Variants in FOXP1 observed in about 807,000 individuals in gnomAD.
The protein encoded by FOXP1 is forkhead box P1.
In FOXP1, 15 loss-of-function variants were observed where a neutral mutation model predicts 98.2. The observed-to-expected ratio is 0.15, with a 90% CI of 0.10 to 0.24. The LOEUF is 0.24. Ranked by LOEUF, FOXP1 falls within the 10% of genes least tolerant of loss-of-function variation. The probability of loss-of-function intolerance (pLI) is 1.00; values close to 1 mark genes in which losing one functional copy is unlikely to be tolerated. For missense variants in FOXP1, 633 were observed against 848.5 expected (o/e 0.75, Z 3.15); for synonymous variants, 371 against 314.5 (o/e 1.18, Z -1.90).
intron 5 of FOXP1, among the ~76,000 whole-genome samples, chr3:71,236,062 A>T (rs1560163072): frequency 6.6e-6 from 1 of 152,218 alleles, no homozygotes; most frequent in Admixed American, 6.5e-5. Context: ...GGATAAGAGA[A>T]TCACCTAGGA....
At chr3:71,566,261 C>T (rs2046906011) in intron 2 of FOXP1, among the ~76,000 whole-genome samples, 1 of 152,242 alleles carries the variant, frequency 6.6e-6, no homozygotes, top group African/African-American at 2.4e-5. Flanking sequence ...AGTTTATTCT[C>T]CAACTGCCCT....
Position 71,021,067 on chromosome 3 carries a change from T to A in FOXP1, c.870-5414A>T, listed in dbSNP as rs116945242. On this transcript the variant is annotated intron_variant, in intron 11 of 20. Transcript: ENST00000649528. ...GTTTTACTGAGTTATAGTTTACATATCATACAATTCACTCACTTAAAGTGC... is the reference window on the plus strand; with the variant it reads ...GTTTTACTGAGTTATAGTTTACATAACATACAATTCACTCACTTAAAGTGC... Among the ~76,000 whole-genome samples the A allele has an allele frequency of 2.7e-4, 41 of 152,356 alleles. No homozygotes were observed. In the East Asian group the frequency reaches 6.5e-3, roughly 24 times the overall value.
chr3:71,106,692 T>C (rs2057462287), intron 7 of FOXP1, among the ~76,000 whole-genome samples: 1 of 151,294 alleles, frequency 6.6e-6, no homozygotes, highest in Admixed American at 6.6e-5. Flanking sequence ...ACTCCTGAGC[T>C]CAAGAGATCC....
chr3:71,365,151 T>C (rs1204129366), intron 3 of FOXP1, among the ~76,000 whole-genome samples: 2 of 152,228 alleles, frequency 1.3e-5, no homozygotes, highest in East Asian at 3.8e-4. Context: ...GTTTTGCACA[T>C]TGACACATAA....
intron 5 of FOXP1, among the ~76,000 whole-genome samples, chr3:71,207,660 A>C (rs78580013): frequency 0.01 from 1,547 of 152,252 alleles, 29 homozygotes; most frequent in African/African-American, 0.035. Context: ...GTATCTTTGT[A>C]ATTTACAGCA....
rs2106855014 is a variant in FOXP1, at chr3:70,959,269, G to A, written c.2012C>T (p.Pro671Leu). 1 of 1,613,150 alleles carries A rather than the reference G, an allele frequency of 6.2e-7. No homozygotes were observed. The highest frequency in any genetic ancestry group is 8.5e-7 in the Non-Finnish European group (1 of 1,179,910). ...FDHDRDYEDEPVNEDME is the reference protein window; with the variant it reads ...FDHDRDYEDELVNEDME ...TAGTCACTCCATGTCCTCGTTTACT[G>A]GTTCATCTTCGTAATCTCTGTCATG... The change falls in exon 21 of 21, where the codon CCA becomes CTA. Residue 671 changes from proline (P) to leucine (L), a missense_variant. Transcript: ENST00000649528.
chr3:70,996,330 G>A (rs1399283990), intron 13 of FOXP1, among the ~76,000 whole-genome samples: 1 of 152,178 alleles, frequency 6.6e-6, no homozygotes, highest in East Asian at 1.9e-4. Flanking sequence ...CAGCTGTCAT[G>A]CACAGTGCTG....
At chr3:71,146,754 ACT>A (rs2108035136) in intron 6 of FOXP1, among the ~76,000 whole-genome samples, 1 of 152,300 alleles carries the variant, frequency 6.6e-6, no homozygotes, top group East Asian at 1.9e-4. Context: ...CAATAGTGAG[ACT>A]CTGAGGCAGC....
intron 19 of FOXP1, chr3:70,969,411 G>GGCCAGTGA (rs2035699672): frequency 6.6e-6 from 1 of 152,294 alleles, no homozygotes; most frequent in Non-Finnish European, 1.5e-5. Flanking sequence ...GAAATGCTAA[G>GGCCAGTGA]GCCAGTGAAT....
At chr3:71,580,837 G>A (rs2048107386) in intron 2 of FOXP1, 3 of 985,188 alleles carry the variant, frequency 3.0e-6, no homozygotes, top group African/African-American at 3.5e-5. Flanking sequence ...AAGTGTAGAC[G>A]GTTTGAATGT....
intron 7 of FOXP1, among the ~76,000 whole-genome samples, chr3:71,073,837 A>G (rs2053522983): frequency 6.6e-6 from 1 of 152,120 alleles, no homozygotes. Context: ...CTGGGATGTG[A>G]CTGTGTCCTC....
chr3:71,191,097 T>C (rs1051459178), intron 6 of FOXP1, among the ~76,000 whole-genome samples: 8 of 152,228 alleles, frequency 5.3e-5, no homozygotes, highest in Non-Finnish European at 1.2e-4. Flanking sequence ...TACACTAGAC[T>C]CCATCAGGCG....
intron 5 of FOXP1, among the ~76,000 whole-genome samples, chr3:71,263,022 G>A (rs2069306778): frequency 6.6e-6 from 1 of 152,190 alleles, no homozygotes; most frequent in South Asian, 2.1e-4. Flanking sequence ...TTCTCACGCA[G>A]TGCCTGGAAG....
intron 5 of FOXP1, among the ~76,000 whole-genome samples, chr3:71,234,253 C>G (rs1413588620): frequency 6.6e-6 from 1 of 152,072 alleles, no homozygotes; most frequent in Non-Finnish European, 1.5e-5. Flanking sequence ...CTGTCAGGGA[C>G]AAACACCTCA....
intron 3 of FOXP1, among the ~76,000 whole-genome samples, chr3:71,436,003 GA>G (rs1314912540): frequency 6.6e-6 from 1 of 151,376 alleles, no homozygotes; most frequent in African/African-American, 2.4e-5. Flanking sequence ...AGGGAGGATA[GA>G]AGGAAGAAAG....
At chr3:71,334,144 A>G (rs1352656886) in intron 4 of FOXP1, 1 of 152,240 alleles carries the variant, frequency 6.6e-6, no homozygotes, top group East Asian at 1.9e-4. Flanking sequence ...GTGGTGGCTC[A>G]CGCCTGTTAT....
chr3:71,554,176 T>C (rs1382217006), intron 2 of FOXP1, among the ~76,000 whole-genome samples: 1 of 152,084 alleles, frequency 6.6e-6, no homozygotes, highest in Non-Finnish European at 1.5e-5. Context: ...AGCAAGACCC[T>C]GTCTCCACAA....
intron 3 of FOXP1, among the ~76,000 whole-genome samples, chr3:71,397,112 A>G (rs796291430): frequency 2.2e-4 from 24 of 109,384 alleles, no homozygotes; most frequent in Non-Finnish European, 2.9e-4. Context: ...ATATATATAT[A>G]TGTGTATATA....
intron 3 of FOXP1, among the ~76,000 whole-genome samples, chr3:71,408,615 C>T (rs533710247): frequency 6.6e-5 from 10 of 152,286 alleles, no homozygotes; most frequent in South Asian, 4.1e-4. Flanking sequence ...TTGACTAAAG[C>T]GGAAGCATTT....
Sources: gnomAD v4.1 joint callset for allele counts (sites outside exome capture counted in the v4.1 genomes callset) on GRCh38, gnomAD v4.1.1 for gene constraint, MANE v1.5 for transcripts, NCBI Gene and HGNC (gene_info 2026-07-23, HGNC 2026-07-21) for gene names.